SGCZ: variants seen among roughly 807,000 people sequenced by gnomAD.
SGCZ encodes sarcoglycan zeta, also known as zeta-sarcoglycan.
A neutral mutation model predicts 41.3 loss-of-function variants in SGCZ; 40 were observed. That is an observed-to-expected ratio of 0.97 (90% CI 0.75 to 1.26). SGCZ has a LOEUF of 1.26. Among genes scored for constraint, SGCZ ranks in the 50% most tolerant of loss-of-function variants. The pLI, the probability that SGCZ is intolerant of heterozygous loss-of-function variation, is 0.00. For missense variants in SGCZ, 552 were observed against 369.8 expected, an observed-to-expected ratio of 1.49 and a Z score of -4.04; for synonymous variants, 206 against 137.5, an observed-to-expected ratio of 1.50 and a Z score of -3.49.
intron 1 of SGCZ, among the ~76,000 whole-genome samples, chr8:15,179,709 C>G (rs549518276): frequency 6.6e-6 from 1 of 152,144 alleles, no homozygotes; most frequent in Non-Finnish European, 1.5e-5. Flanking sequence ...CAAAAAAGGA[C>G]AGCCTCCTCA....
chr8:14,961,093 A>G (rs1800951313), intron 1 of SGCZ, among the ~76,000 whole-genome samples: 1 of 152,134 alleles, frequency 6.6e-6, no homozygotes, highest in South Asian at 2.1e-4. Flanking sequence ...GCAAGCTGTG[A>G]ATCAATGCAT....
At chr8:14,362,078 G>A (rs1198200713) in intron 2 of SGCZ, among the ~76,000 whole-genome samples, 1 of 152,144 alleles carries the variant, frequency 6.6e-6, no homozygotes, top group Non-Finnish European at 1.5e-5. Flanking sequence ...AGGGGCACCT[G>A]CCTGTTTGAG....
At chr8:14,111,203 C>T (rs964136783) in intron 5 of SGCZ, among the ~76,000 whole-genome samples, 2 of 152,074 alleles carry the variant, frequency 1.3e-5, no homozygotes, top group Admixed American at 6.6e-5. Flanking sequence ...TTCAGATAAA[C>T]ATCAAATCAT....
intron 1 of SGCZ, among the ~76,000 whole-genome samples, chr8:14,756,940 A>C (rs1419100607): frequency 6.6e-6 from 1 of 152,246 alleles, no homozygotes; most frequent in Non-Finnish European, 1.5e-5. Context: ...TCTTGTAAAA[A>C]CGGCAGAATA....
chr8:14,164,726 A>G, intron 4 of SGCZ, 24 bp from the exon 5 acceptor site: 3 of 1,610,794 alleles, frequency 1.9e-6, no homozygotes, highest in Non-Finnish European at 2.5e-6. Flanking sequence ...AAAGGTTTAA[A>G]AATGAAACTG....
intron 1 of SGCZ, among the ~76,000 whole-genome samples, chr8:14,794,772 G>C (rs1386295696): frequency 6.6e-6 from 1 of 152,154 alleles, no homozygotes; most frequent in African/African-American, 2.4e-5. Context: ...AAGAGATTAT[G>C]AATGTACCAT....
At chr8:14,155,824 CAG>C (rs935072142) in intron 5 of SGCZ, among the ~76,000 whole-genome samples, 1 of 152,002 alleles carries the variant, frequency 6.6e-6, no homozygotes, top group African/African-American at 2.4e-5. Flanking sequence ...GCAAACATCA[CAG>C]AGTGTATTTA....
At chr8:14,657,284 T>A (rs1235929978) in intron 1 of SGCZ, among the ~76,000 whole-genome samples, 1 of 151,998 alleles carries the variant, frequency 6.6e-6, no homozygotes, top group East Asian at 1.9e-4. Context: ...GATGGTGGCC[T>A]TACCATGTAC....
chr8:14,916,337 A>T (rs1193095977), intron 1 of SGCZ, among the ~76,000 whole-genome samples: 4 of 152,214 alleles, frequency 2.6e-5, no homozygotes, highest in Non-Finnish European at 5.9e-5. Context: ...TTTCTTACTC[A>T]GGAAAGCCCG....
At chr8:14,726,940 GA>G (rs758061363) in intron 1 of SGCZ, among the ~76,000 whole-genome samples, 4 of 152,070 alleles carry the variant, frequency 2.6e-5, no homozygotes, top group Non-Finnish European at 4.4e-5. Flanking sequence ...CACGAATCAT[GA>G]AGGCAAATTC....
intron 2 of SGCZ, among the ~76,000 whole-genome samples, chr8:14,552,570 C>T (rs73667311): frequency 0.043 from 6,497 of 151,994 alleles, 179 homozygotes; most frequent in South Asian, 0.12. Flanking sequence ...TGGAAACAAC[C>T]CCCTTTTAAT....
At chr8:15,162,575 C>T (rs1016269912) in intron 1 of SGCZ, among the ~76,000 whole-genome samples, 2 of 152,208 alleles carry the variant, frequency 1.3e-5, no homozygotes, top group African/African-American at 4.8e-5. Context: ...TCCAGCTTTT[C>T]ACTTATCTTA....
intron 3 of SGCZ, among the ~76,000 whole-genome samples, chr8:14,299,196 A>G (rs1801110835): frequency 6.6e-6 from 1 of 152,054 alleles, no homozygotes; most frequent in African/African-American, 2.4e-5. Context: ...AGGCCTCTAC[A>G]TAAAAGATAC....
Position 14,249,628 on chromosome 8 carries a change from A to C in SGCZ, c.337-11949T>G, listed in dbSNP as rs144807746. 4.4e-4 allele frequency among the ~76,000 whole-genome samples: 67 copies of C among 152,270 alleles called. 2 individuals carry two copies. Among genetic ancestry groups the C allele is most frequent in the African/African-American group, 1.5e-3 (64 of 41,556 alleles). On this transcript the variant is annotated intron_variant, in intron 3 of 7. Transcript: ENST00000382080. ...GGTTATACCTTAGCTATATCTGAGA[A>C]GGCAATACTGCAGGAGAAATATTAG...
chr8:14,447,681 A>G (rs1800472222), intron 2 of SGCZ, among the ~76,000 whole-genome samples: 1 of 152,176 alleles, frequency 6.6e-6, no homozygotes, highest in South Asian at 2.1e-4. Flanking sequence ...TAGAAAAACC[A>G]GAGTCATTAT....
At chr8:14,287,132 T>C (rs1285205814) in intron 3 of SGCZ, among the ~76,000 whole-genome samples, 5 of 73,516 alleles carry the variant, frequency 6.8e-5, no homozygotes, top group Non-Finnish European at 1.5e-4. Context: ...AAATAGCACA[T>C]ACAGTATTTT....
At chr8:14,727,702 C>T (rs916359525) in intron 1 of SGCZ, among the ~76,000 whole-genome samples, 21 of 151,972 alleles carry the variant, frequency 1.4e-4, no homozygotes, top group African/African-American at 3.6e-4. Flanking sequence ...TTAGTGGAGA[C>T]GGGGTTGCAC....
intron 2 of SGCZ, among the ~76,000 whole-genome samples, chr8:14,453,286 A>C (rs1049182204): frequency 1.3e-5 from 2 of 152,280 alleles, no homozygotes; most frequent in Admixed American, 6.5e-5. Context: ...ATTAAGATAC[A>C]TTATGCACTC....
chr8:14,814,293 A>T (rs1304489594), intron 1 of SGCZ, among the ~76,000 whole-genome samples: 1 of 152,106 alleles, frequency 6.6e-6, no homozygotes, highest in African/African-American at 2.4e-5. Flanking sequence ...AGCCTAAAAG[A>T]TGGGGTATAG....
Sources: gnomAD v4.1 joint callset for allele counts (sites outside exome capture counted in the v4.1 genomes callset) on GRCh38, gnomAD v4.1.1 for gene constraint, MANE v1.5 for transcripts, NCBI Gene and HGNC (gene_info 2026-07-23, HGNC 2026-07-21) for gene names.